Variants in SCHIP1 observed in about 807,000 individuals in gnomAD.
SCHIP1 encodes schwannomin interacting protein 1, also known as schwannomin-interacting protein 1.
A neutral mutation model predicts 29.7 loss-of-function variants in SCHIP1; 8 were observed. That is an observed-to-expected ratio of 0.27 (90% CI 0.16 to 0.49). The LOEUF (loss-of-function observed/expected upper bound fraction) is 0.49. SCHIP1 is among the 20% of genes least tolerant of loss of function. The pLI is 0.99. For synonymous variants in SCHIP1, 76 were observed against 94.9 expected (o/e 0.80, Z 1.16); for missense variants, 193 against 294.6 (o/e 0.66, Z 2.52).
At chr3:159,659,248 CT>C in the SCHIP1 span, among the ~76,000 whole-genome samples, 35 of 152,284 alleles carry the variant, frequency 2.3e-4, no homozygotes, top group Admixed American at 2.0e-3. Context: ...TGTCCTTGGG[CT>C]TGGTTTCAGG....
chr3:159,300,072 T>C, the SCHIP1 span, among the ~76,000 whole-genome samples: 2 of 145,944 alleles, frequency 1.4e-5, no homozygotes, highest in African/African-American at 5.0e-5. Flanking sequence ...TCTGTAGCCC[T>C]CTCAATTTAA....
chr3:159,384,007 G>A, the SCHIP1 span, among the ~76,000 whole-genome samples: 5 of 150,472 alleles, frequency 3.3e-5, no homozygotes, highest in African/African-American at 7.4e-5. Context: ...GGAGATTTTG[G>A]GCTGAGACAA....
intron 2 of SCHIP1, among the ~76,000 whole-genome samples, chr3:159,867,557 G>A (rs1014019474): frequency 2.0e-5 from 3 of 152,280 alleles, no homozygotes; most frequent in Non-Finnish European, 4.4e-5. Context: ...ACCAGACAGT[G>A]TTCCAGCATC....
the SCHIP1 span, among the ~76,000 whole-genome samples, chr3:159,602,314 T>C: frequency 6.6e-6 from 1 of 152,212 alleles, no homozygotes; most frequent in Non-Finnish European, 1.5e-5. Context: ...TGAGGTGTGA[T>C]AGTCTGTAAT....
At chr3:159,720,996 G>T in the SCHIP1 span, among the ~76,000 whole-genome samples, 6 of 151,902 alleles carry the variant, frequency 3.9e-5, no homozygotes, top group South Asian at 2.1e-4. Context: ...ATACAGTTTT[G>T]CTTTTTCTTT....
the SCHIP1 span, chr3:159,764,242 A>C: frequency 3.8e-6 from 2 of 528,522 alleles, no homozygotes; most frequent in Non-Finnish European, 6.5e-6. The surrounding 1 kb of genome is among the most constrained non-coding windows in gnomAD (Gnocchi z 6.1). Flanking sequence ...ACCGGCAGGA[A>C]GTCTGGTTGT....
At chr3:159,844,955 G>T (rs1418812031) in intron 1 of SCHIP1, among the ~76,000 whole-genome samples, 1 of 152,198 alleles carries the variant, frequency 6.6e-6, no homozygotes, top group Non-Finnish European at 1.5e-5. Context: ...GGAGCATAAA[G>T]AGTCCCTTCT....
At chr3:159,396,450 G>A in the SCHIP1 span, among the ~76,000 whole-genome samples, 14 of 147,254 alleles carry the variant, frequency 9.5e-5, no homozygotes, top group African/African-American at 2.0e-4. Flanking sequence ...ATTTTGCAGC[G>A]GCTGGTACCG....
chr3:159,423,114 T>C, the SCHIP1 span, among the ~76,000 whole-genome samples: 1 of 152,138 alleles, frequency 6.6e-6, no homozygotes, highest in East Asian at 1.9e-4. Context: ...AGTCTACAGC[T>C]CCCAGCGTGA....
chr3:159,600,858 G>A, the SCHIP1 span, among the ~76,000 whole-genome samples: 741 of 152,304 alleles, frequency 4.9e-3, 7 homozygotes, highest in Non-Finnish European at 7.7e-3. Flanking sequence ...CTGTGATGTT[G>A]GTTGGGTAGG....
the SCHIP1 span, among the ~76,000 whole-genome samples, chr3:159,604,955 A>G: frequency 1.3e-5 from 2 of 152,190 alleles, no homozygotes; most frequent in Non-Finnish European, 2.9e-5. Flanking sequence ...CTACTAATTG[A>G]CCCAGGAAAT....
At chr3:159,535,652 G>A in the SCHIP1 span, among the ~76,000 whole-genome samples, 1 of 152,190 alleles carries the variant, frequency 6.6e-6, no homozygotes, top group South Asian at 2.1e-4. Context: ...TAGTTGGATT[G>A]TAGACTCTTA....
intron 2 of SCHIP1, among the ~76,000 whole-genome samples, chr3:159,875,320 T>G (rs1232831723): frequency 6.6e-6 from 1 of 152,228 alleles, no homozygotes; most frequent in African/African-American, 2.4e-5. Flanking sequence ...GCAAGCTGAA[T>G]TTGACATCTT....
the SCHIP1 span, among the ~76,000 whole-genome samples, chr3:159,484,041 TAA>T: frequency 6.6e-6 from 1 of 152,144 alleles, no homozygotes; most frequent in Admixed American, 6.6e-5. Flanking sequence ...CAGTGCAAAC[TAA>T]GAGAGTTCCA....
At chr3:159,438,608 A>G in the SCHIP1 span, among the ~76,000 whole-genome samples, 1 of 152,108 alleles carries the variant, frequency 6.6e-6, no homozygotes, top group Non-Finnish European at 1.5e-5. Context: ...CCCAGCATCC[A>G]TTAGCTATTC....
At chr3:159,642,995 G>A in the SCHIP1 span, among the ~76,000 whole-genome samples, 9 of 152,058 alleles carry the variant, frequency 5.9e-5, no homozygotes, top group Non-Finnish European at 4.4e-5. Context: ...AGGTGAGTAA[G>A]CACTGAACAT....
At chr3:159,412,544 C>A in the SCHIP1 span, among the ~76,000 whole-genome samples, 3 of 152,176 alleles carry the variant, frequency 2.0e-5, no homozygotes, top group Admixed American at 1.3e-4. Flanking sequence ...TGCAGGGTAA[C>A]CATTGTGATA....
At chr3:159,340,802 TG>T in the SCHIP1 span, among the ~76,000 whole-genome samples, 15 of 152,236 alleles carry the variant, frequency 9.9e-5, no homozygotes, top group African/African-American at 3.4e-4. Flanking sequence ...GCGCAGAGAA[TG>T]TTTTGTGTAA....
chr3:159,588,410 T>C, the SCHIP1 span, among the ~76,000 whole-genome samples: 1 of 152,210 alleles, frequency 6.6e-6, no homozygotes, highest in Non-Finnish European at 1.5e-5. Context: ...TCCCATTCTG[T>C]AGGTTGCCAG....
Sources: gnomAD v4.1 joint callset for allele counts (sites outside exome capture counted in the v4.1 genomes callset) on GRCh38, gnomAD v4.1.1 for gene constraint, Gnocchi (gnomAD v3.1) non-coding constraint, MANE v1.5 for transcripts, NCBI Gene and HGNC (gene_info 2026-07-23, HGNC 2026-07-21) for gene names.